The following SLC4A5 variants were observed in gnomAD, a reference collection of about 807,000 sequenced individuals.
SLC4A5 encodes the protein solute carrier family 4 member 5, also known as electrogenic sodium bicarbonate cotransporter 4.
A neutral mutation model predicts 120.4 loss-of-function variants in SLC4A5; 96 were observed. That is an observed-to-expected ratio of 0.80 (90% CI 0.68 to 0.94). SLC4A5 has a LOEUF of 0.94. Ranked by LOEUF, SLC4A5 falls within the 40% of genes least tolerant of loss-of-function variation. SLC4A5 has a pLI of 0.00. For synonymous variants in SLC4A5, 550 were observed against 571.1 expected (o/e 0.96, Z 0.53); for missense variants, 1,259 against 1,459.5 (o/e 0.86, Z 2.24).
chr2:74,270,291 G>A (rs1671431641), intron 8 of SLC4A5, among the ~76,000 whole-genome samples: 1 of 152,210 alleles, frequency 6.6e-6, no homozygotes, highest in Non-Finnish European at 1.5e-5. Flanking sequence ...ACCTTGAATG[G>A]AAAAGGAAAC....
chr2:74,287,567 G>A (rs1432444458), intron 7 of SLC4A5, among the ~76,000 whole-genome samples: 2 of 152,128 alleles, frequency 1.3e-5, no homozygotes, highest in African/African-American at 2.4e-5. Flanking sequence ...CACTGTAAGG[G>A]TTTCCCCTCA....
At chr2:74,316,460 G>A (rs2104302532) in intron 5 of SLC4A5, among the ~76,000 whole-genome samples, 1 of 152,084 alleles carries the variant, frequency 6.6e-6, no homozygotes, top group East Asian at 1.9e-4. Context: ...GCCAAGACAG[G>A]ATAGGAGGTC....
chr2:74,263,498 G>C (rs1558884678), intron 10 of SLC4A5, among the ~76,000 whole-genome samples: 1 of 152,176 alleles, frequency 6.6e-6, no homozygotes, highest in Non-Finnish European at 1.5e-5. Flanking sequence ...TAGTGTCCCT[G>C]GGCATCTAGG....
chr2:74,307,389 A>G, intron 6 of SLC4A5: 1 of 628,350 alleles, frequency 1.6e-6, no homozygotes, highest in South Asian at 1.4e-5. Context: ...CATGAAGAGC[A>G]GCTCCTCGAG....
rs748572725 is a variant in SLC4A5, at chr2:74,231,327, T to C, written c.2775-19A>G. ...CTGTTCCCTGGCAGAGAAGAACACA[T>C]GGTCAGGGTGTACCAGGAAATGCCT... On this transcript the variant is annotated intron_variant, in intron 24 of 30. Coordinates refer to ENST00000394019, the Ensembl canonical transcript of SLC4A5. 4 of 1,606,410 alleles carry C rather than the reference T, an allele frequency of 2.5e-6. No homozygotes were observed. The highest frequency in any genetic ancestry group is 2.2e-5 in the South Asian group (2 of 89,164).
At chr2:74,303,328 A>G (rs1412362996) in intron 7 of SLC4A5, among the ~76,000 whole-genome samples, 1 of 152,128 alleles carries the variant, frequency 6.6e-6, no homozygotes, top group Admixed American at 6.6e-5. Flanking sequence ...CAGGTGCATC[A>G]GGTCTCCTGC....
intron 12 of SLC4A5, among the ~76,000 whole-genome samples, chr2:74,257,382 T>C (rs998574317): frequency 2.0e-5 from 3 of 152,038 alleles, no homozygotes; most frequent in African/African-American, 7.2e-5. Context: ...GTCTCAGGCA[T>C]GGTCAGCTGA....
At chr2:74,220,601 C>G (rs1694599554) in intron 30 of SLC4A5, among the ~76,000 whole-genome samples, 1 of 151,550 alleles carries the variant, frequency 6.6e-6, no homozygotes, top group Admixed American at 6.6e-5. Flanking sequence ...ACTGCAAGCT[C>G]CGCCTCCCAG....
intron 13 of SLC4A5, 93 bp from the exon 14 acceptor site, chr2:74,254,799 T>G: frequency 1.9e-4 from 166 of 871,404 alleles, no homozygotes; most frequent in Non-Finnish European, 2.5e-4. Flanking sequence ...GAGAATTCTC[T>G]GGCCCTGAAC....
At chr2:74,242,612 A>C (rs1420192147) in intron 19 of SLC4A5, among the ~76,000 whole-genome samples, 1 of 151,898 alleles carries the variant, frequency 6.6e-6, no homozygotes, top group Non-Finnish European at 1.5e-5. Flanking sequence ...GAGCCTATAA[A>C]CTTCCCAGCT....
In SLC4A5 at chr2:74,273,900, A is replaced by G. The variant is rs1025876399; in HGVS notation, c.402-8636T>C. Among the ~76,000 whole-genome samples the G allele has an allele frequency of 6.1e-4, 93 of 152,354 alleles. 1 individual carries two copies. Among genetic ancestry groups the G allele is most frequent in the African/African-American group, 2.1e-3 (87 of 41,588 alleles). ...CACCTGAGGCCGGGCCTGGTGGCTC[A>G]CGCCTATAATCCCAGCACTTTGGGA... On this transcript the variant is annotated intron_variant, in intron 8 of 30. Coordinates refer to ENST00000394019, the Ensembl canonical transcript of SLC4A5.
intron 27 of SLC4A5, 164 bp from the exon 28 acceptor site, chr2:74,225,159 T>G: frequency 3.0e-6 from 2 of 656,750 alleles, no homozygotes; most frequent in East Asian, 5.6e-5. Flanking sequence ...ATTATTCACT[T>G]TCCCTCCACC....
At chr2:74,238,033 C>T (rs1670323306) in intron 21 of SLC4A5, among the ~76,000 whole-genome samples, 6 of 151,870 alleles carry the variant, frequency 4.0e-5, no homozygotes, top group Admixed American at 2.6e-4. Flanking sequence ...ACCCGGGAGG[C>T]GGAGGTTGCA....
At chr2:74,304,357 G>A in intron 7 of SLC4A5, 132 bp downstream of exon 7, 2 of 900,370 alleles carry the variant, frequency 2.2e-6, no homozygotes, top group Non-Finnish European at 3.3e-6. Flanking sequence ...AGAGCAGAGG[G>A]GGCCAGAGAG....
chr2:74,231,235 C>T lies in SLC4A5; in HGVS notation c.2847+1G>A. ...CCCTAGGTGACAGTGCAGGACCTCA[C>T]CTTTAGGATGGGAGCCAGGAAGACA... On this transcript the variant is annotated splice_donor_variant, in intron 25 of 30. Coordinates refer to ENST00000394019, the Ensembl canonical transcript of SLC4A5. LOFTEE classifies it high-confidence loss of function. The T allele has an allele frequency of 6.2e-7, 1 of 1,611,294 alleles. No homozygotes were observed. The highest frequency in any genetic ancestry group is 1.7e-4 in the Middle Eastern group (1 of 6,054).
intron 8 of SLC4A5, among the ~76,000 whole-genome samples, chr2:74,274,048 C>G (rs1416142999): frequency 6.6e-6 from 1 of 152,156 alleles, no homozygotes; most frequent in African/African-American, 2.4e-5. Flanking sequence ...GCCTGTAATC[C>G]CAGCTACTCC....
chr2:74,250,201 G>T, intron 17 of SLC4A5, 142 bp downstream of exon 17: 2 of 686,254 alleles, frequency 2.9e-6, no homozygotes, highest in Non-Finnish European at 2.4e-6. Flanking sequence ...ATTACTTGAA[G>T]CGTAAAGGAT....
intron 20 of SLC4A5, among the ~76,000 whole-genome samples, chr2:74,241,478 C>G (rs1412469868): frequency 6.6e-6 from 1 of 151,754 alleles, no homozygotes; most frequent in Admixed American, 6.6e-5. Context: ...CGGTGGCTCA[C>G]GCCTGTAATC....
intron 9 of SLC4A5, 22 bp downstream of exon 9, chr2:74,265,082 C>G: frequency 6.2e-7 from 1 of 1,604,092 alleles, no homozygotes. Context: ...AGGAGAGATG[C>G]ACACAGTGGC....
Sources: allele counts gnomAD v4.1 joint callset (sites outside exome capture counted in the v4.1 genomes callset), GRCh38; gene constraint gnomAD v4.1.1; transcripts MANE v1.5; gene names NCBI Gene and HGNC (gene_info 2026-07-23, HGNC 2026-07-21).